The following MGMT variants were observed in gnomAD, a reference collection of about 807,000 sequenced individuals.
The protein encoded by MGMT is O-6-methylguanine-DNA methyltransferase.
A neutral mutation model predicts 15.9 loss-of-function variants in MGMT; 14 were observed. That is an observed-to-expected ratio of 0.88 (90% CI 0.58 to 1.37). MGMT has a LOEUF of 1.37. Among genes scored for constraint, MGMT ranks in the 40% most tolerant of loss-of-function variants. MGMT has a pLI of 0.00. For synonymous variants in MGMT, 130 were observed against 118.2 expected (o/e 1.10, Z -0.65); for missense variants, 282 against 268.1 (o/e 1.05, Z -0.36).
intron 2 of MGMT, among the ~76,000 whole-genome samples, chr10:129,561,787 G>C (rs1428834948): frequency 2.6e-5 from 4 of 152,120 alleles, no homozygotes. Flanking sequence ...ACATTGACCA[G>C]GTCCATGGGT....
Position 129,698,735 on chromosome 10 carries a change from G to A in MGMT, c.126-9160G>A, listed in dbSNP as rs563620716. Among the ~76,000 whole-genome samples the A allele has an allele frequency of 5.3e-5, 8 of 152,302 alleles. No homozygotes were observed. The East Asian group carries it at 1.5e-3, about 29-fold the overall frequency. On this transcript the variant is annotated intron_variant, in intron 2 of 4. Transcript: ENST00000651593. ...AGATCTTCATTCCAGGCTGTCTTTA[G>A]GGGCCAAATTGAGACTGGATGCATG...
intron 4 of MGMT, 96 bp downstream of exon 4, chr10:129,759,437 G>A: frequency 1.9e-6 from 3 of 1,572,784 alleles, no homozygotes; most frequent in Non-Finnish European, 2.6e-6. Flanking sequence ...AAGGCAGGCT[G>A]TGCTGCTGGG....
chr10:129,497,530 A>T (rs540278506), intron 1 of MGMT, among the ~76,000 whole-genome samples: 1 of 152,180 alleles, frequency 6.6e-6, no homozygotes, highest in African/African-American at 2.4e-5. Flanking sequence ...AAATAGCACA[A>T]AGTTTCTGTA....
At chr10:129,646,873 G>A (rs1447129479) in intron 2 of MGMT, among the ~76,000 whole-genome samples, 5 of 150,918 alleles carry the variant, frequency 3.3e-5, no homozygotes, top group Non-Finnish European at 5.9e-5. Flanking sequence ...GGCAGCGGGT[G>A]AAGGACAGGC....
At chr10:129,653,878 G>A (rs1847493139) in intron 2 of MGMT, among the ~76,000 whole-genome samples, 1 of 152,168 alleles carries the variant, frequency 6.6e-6, no homozygotes, top group Admixed American at 6.5e-5. Flanking sequence ...AGAAGCATGA[G>A]GAGGACCCTG....
In MGMT at chr10:129,713,078, C is replaced by G. The variant is rs139213644; in HGVS notation, c.274+5035C>G. Among the ~76,000 whole-genome samples the G allele has an allele frequency of 2.9e-3, 446 of 152,292 alleles. 1 individual carries two copies. The highest frequency in any genetic ancestry group is 0.01 in the African/African-American group (418 of 41,552). On this transcript the variant is annotated intron_variant, in intron 3 of 4. Coordinates refer to ENST00000651593, the MANE Select transcript of MGMT (RefSeq NM_002412.5). The stretch of plus-strand genomic sequence containing the variant: ...CGGCAGCACGCAGGCTTTGTCCTTT[C>G]AGCACTTTGTACCGATATTTTCCCT...
chr10:129,607,106 G>C (rs928461053), intron 2 of MGMT, among the ~76,000 whole-genome samples: 2 of 152,156 alleles, frequency 1.3e-5, no homozygotes, highest in Non-Finnish European at 2.9e-5. Flanking sequence ...AGATGGCTTT[G>C]ACTTTTGTTC....
chr10:129,726,981 G>A (rs1848441273), intron 3 of MGMT, among the ~76,000 whole-genome samples: 1 of 152,220 alleles, frequency 6.6e-6, no homozygotes, highest in Admixed American at 6.5e-5. Flanking sequence ...TAAGATTGGT[G>A]TAATATACCT....
chr10:129,623,513 T>C (rs1183842912), intron 2 of MGMT, among the ~76,000 whole-genome samples: 2 of 152,170 alleles, frequency 1.3e-5, no homozygotes, highest in Non-Finnish European at 2.9e-5. Context: ...CTAACATATA[T>C]ATAACCTTTT....
intron 3 of MGMT, among the ~76,000 whole-genome samples, chr10:129,744,692 C>T (rs907823587): frequency 2.0e-5 from 3 of 152,198 alleles, no homozygotes; most frequent in African/African-American, 7.2e-5. Flanking sequence ...CCTCCTCCCG[C>T]TCACTCTCAG....
chr10:129,668,603 G>A (rs1007428078), intron 2 of MGMT, among the ~76,000 whole-genome samples: 22 of 152,074 alleles, frequency 1.4e-4, no homozygotes, highest in Non-Finnish European at 4.4e-5. Flanking sequence ...TGTCCTATTT[G>A]CTTATTCTCC....
At position 129,568,825 on chromosome 10, in the gene MGMT, C is replaced by T. The variant is rs570867301; in HGVS notation, c.125+32448C>T. 4.6e-5 allele frequency among the ~76,000 whole-genome samples: 7 copies of T among 152,232 alleles called. No homozygotes were observed. The East Asian group carries it at 1.2e-3, about 25-fold the overall frequency. ...CCCCTCCTGACTGCAGCCACCAGTG[C>T]CCGCCATTTCTTCCTGCGCTGCAAC... On this transcript the variant is annotated intron_variant, in intron 2 of 4. Transcript: ENST00000651593.
At chr10:129,574,544 T>G (rs774250813) in intron 2 of MGMT, among the ~76,000 whole-genome samples, 6 of 152,200 alleles carry the variant, frequency 3.9e-5, no homozygotes, top group Non-Finnish European at 8.8e-5. Flanking sequence ...AATCCTAGCT[T>G]GGGGTAAAAG....
chr10:129,691,104 C>T (rs1431850414), intron 2 of MGMT, among the ~76,000 whole-genome samples: 1 of 152,210 alleles, frequency 6.6e-6, no homozygotes, highest in Non-Finnish European at 1.5e-5. Context: ...AACTTGAAGG[C>T]AGCAGTGGGA....
At chr10:129,759,492 T>C (rs1466539752) in intron 4 of MGMT, 151 bp downstream of exon 4, 2 of 1,240,068 alleles carry the variant, frequency 1.6e-6, no homozygotes, top group African/African-American at 3.0e-5. Flanking sequence ...TTATGCCAGA[T>C]GCCTCCAGAA....
At chr10:129,650,833 T>G (rs1308335579) in intron 2 of MGMT, among the ~76,000 whole-genome samples, 1 of 152,164 alleles carries the variant, frequency 6.6e-6, no homozygotes, top group African/African-American at 2.4e-5. Context: ...TCACCCTTTC[T>G]CGATGTGCCT....
chr10:129,517,049 G>T (rs111375520), intron 1 of MGMT, among the ~76,000 whole-genome samples: 1 of 152,208 alleles, frequency 6.6e-6, no homozygotes, highest in African/African-American at 2.4e-5. Flanking sequence ...AGCTGTCTGC[G>T]CATCCGTCCC....
intron 2 of MGMT, among the ~76,000 whole-genome samples, chr10:129,649,621 T>C (rs560523257): frequency 6.6e-6 from 1 of 152,224 alleles, no homozygotes; most frequent in East Asian, 1.9e-4. Flanking sequence ...CTCCTCAGGT[T>C]GAGAGAGAGA....
At chr10:129,518,209 A>T (rs1564840244) in intron 1 of MGMT, among the ~76,000 whole-genome samples, 1 of 151,908 alleles carries the variant, frequency 6.6e-6, no homozygotes, top group African/African-American at 2.4e-5. Context: ...TTCATCTCTG[A>T]AATTTGCCAC....
Sources: gnomAD v4.1 joint callset for allele counts (sites outside exome capture counted in the v4.1 genomes callset) on GRCh38, gnomAD v4.1.1 for gene constraint, MANE v1.5 for transcripts, NCBI Gene and HGNC (gene_info 2026-07-23, HGNC 2026-07-21) for gene names.